NIBAN1: variants seen among roughly 807,000 people sequenced by gnomAD.
The protein encoded by NIBAN1 is niban apoptosis regulator 1.
Under a neutral mutation model 75.1 loss-of-function variants are expected in NIBAN1, and 81 were observed. The observed-to-expected ratio is 1.08, with a 90% CI of 0.90 to 1.30. NIBAN1 has a LOEUF of 1.30. NIBAN1 is among the 50% of genes most tolerant of loss of function. NIBAN1 has a pLI of 0.00. For missense variants in NIBAN1, 1,133 were observed against 1,128.1 expected (o/e 1.00, Z -0.06); for synonymous variants, 436 against 424.8 (o/e 1.03, Z -0.32).
chr1:184,825,144 C>T (rs1654809718), intron 6 of NIBAN1, among the ~76,000 whole-genome samples: 1 of 152,096 alleles, frequency 6.6e-6, no homozygotes, highest in South Asian at 2.1e-4. Flanking sequence ...TGTGGATCTC[C>T]AGACTGATGA....
intron 1 of NIBAN1, among the ~76,000 whole-genome samples, chr1:184,907,074 G>A (rs1175601053): frequency 6.6e-6 from 1 of 152,146 alleles, no homozygotes; most frequent in East Asian, 1.9e-4. Context: ...GCACAAAAAT[G>A]TACTGATTAA....
chr1:184,886,472 TG>T (rs1365734854), intron 4 of NIBAN1, among the ~76,000 whole-genome samples: 1 of 152,320 alleles, frequency 6.6e-6, no homozygotes, highest in South Asian at 2.1e-4. Context: ...AAATGTGCTT[TG>T]TTGGCCTAGG....
At chr1:184,815,068 A>G (rs188349586) in intron 9 of NIBAN1, among the ~76,000 whole-genome samples, 12 of 152,312 alleles carry the variant, frequency 7.9e-5, no homozygotes, top group Admixed American at 5.2e-4. Flanking sequence ...ATTCCTGGGG[A>G]AAAAATTAAA....
intron 1 of NIBAN1, among the ~76,000 whole-genome samples, chr1:184,933,304 A>T (rs892295897): frequency 2.0e-5 from 3 of 152,220 alleles, no homozygotes; most frequent in Admixed American, 2.0e-4. Flanking sequence ...TCTATTTATA[A>T]AATACTAAGG....
rs185161833 is a variant in NIBAN1 at position 184,905,352 on chromosome 1, G to A, written c.56-6043C>T. Among the ~76,000 whole-genome samples, 21 of 152,204 alleles carry A rather than the reference G, an allele frequency of 1.4e-4. No homozygotes were observed. The East Asian group carries it at 3.1e-3, about 22-fold the overall frequency. ...GGGTCACACCTCATTAGTCATAGGGGCACAACCTTCTGACTTGTCCTGGAC... is the reference window on the plus strand; with the variant it reads ...GGGTCACACCTCATTAGTCATAGGGACACAACCTTCTGACTTGTCCTGGAC... On this transcript the variant is annotated intron_variant, in intron 1 of 13. Coordinates refer to ENST00000367511, the MANE Select transcript of NIBAN1 (RefSeq NM_052966.4).
chr1:184,815,793 G>T (rs1056995527), intron 9 of NIBAN1, among the ~76,000 whole-genome samples: 1 of 152,166 alleles, frequency 6.6e-6, no homozygotes, highest in South Asian at 2.1e-4. Flanking sequence ...CCGCATCATG[G>T]ATTAAAGAGA....
At chr1:184,868,382 C>G (rs1456138508) in intron 5 of NIBAN1, 1 of 152,070 alleles carries the variant, frequency 6.6e-6, no homozygotes, top group Non-Finnish European at 1.5e-5. Flanking sequence ...ACTTAAAACA[C>G]AAAGAACTGG....
chr1:184,833,506 A>T (rs1655052560), intron 5 of NIBAN1, among the ~76,000 whole-genome samples: 1 of 152,004 alleles, frequency 6.6e-6, no homozygotes, highest in South Asian at 2.1e-4. Context: ...ATAGGAGTTC[A>T]AGACGAGCCT....
intron 3 of NIBAN1, among the ~76,000 whole-genome samples, chr1:184,892,062 C>T (rs1182948715): frequency 1.3e-5 from 2 of 152,178 alleles, no homozygotes; most frequent in Non-Finnish European, 2.9e-5. Context: ...AAAACACCAA[C>T]ATTTGATTCA....
chr1:184,820,065 A>C (rs1305280177), intron 8 of NIBAN1, among the ~76,000 whole-genome samples: 1 of 152,234 alleles, frequency 6.6e-6, no homozygotes, highest in Non-Finnish European at 1.5e-5. Context: ...AAGTCATAGA[A>C]TTATTAAGAA....
intron 1 of NIBAN1, among the ~76,000 whole-genome samples, chr1:184,942,468 C>A (rs556257151): frequency 2.0e-5 from 3 of 152,198 alleles, no homozygotes; most frequent in South Asian, 4.2e-4. Context: ...CCGAAGCTGG[C>A]GGATCACGAG....
chr1:184,973,515 G>A (rs1411559050), intron 1 of NIBAN1, among the ~76,000 whole-genome samples: 1 of 149,644 alleles, frequency 6.7e-6, no homozygotes. Flanking sequence ...GGGGTGGGGG[G>A]TGAGAAGAGG....
At chr1:184,973,388 A>G (rs1377023926) in intron 1 of NIBAN1, among the ~76,000 whole-genome samples, 1 of 152,142 alleles carries the variant, frequency 6.6e-6, no homozygotes, top group Non-Finnish European at 1.5e-5. Flanking sequence ...CTAGAGTTTA[A>G]TACATAGTCT....
chr1:184,919,527 A>G (rs1657474918), intron 1 of NIBAN1, among the ~76,000 whole-genome samples: 1 of 152,232 alleles, frequency 6.6e-6, no homozygotes, highest in African/African-American at 2.4e-5. Flanking sequence ...AACGGTCTTA[A>G]TATCAGAAGT....
intron 1 of NIBAN1, among the ~76,000 whole-genome samples, chr1:184,953,208 T>C (rs576392838): frequency 2.6e-5 from 4 of 152,212 alleles, no homozygotes; most frequent in South Asian, 2.1e-4. Flanking sequence ...CACTTTGTAG[T>C]GGAAGAAACC....
At chr1:184,948,128 A>T (rs114781331) in intron 1 of NIBAN1, among the ~76,000 whole-genome samples, 2,216 of 152,330 alleles carry the variant, frequency 0.015, 47 homozygotes, top group African/African-American at 0.048. Context: ...GAAATAAAAA[A>T]AAAATCCTTA....
At chr1:184,965,500 A>T (rs555431188) in intron 1 of NIBAN1, among the ~76,000 whole-genome samples, 1 of 152,212 alleles carries the variant, frequency 6.6e-6, no homozygotes, top group African/African-American at 2.4e-5. Context: ...AGGAACATGG[A>T]TGGAGCTGGA....
intron 1 of NIBAN1, among the ~76,000 whole-genome samples, chr1:184,949,345 G>A (rs192523850): frequency 1.2e-4 from 18 of 152,300 alleles, no homozygotes; most frequent in Admixed American, 7.8e-4. Context: ...GCGACAGAGC[G>A]AGACTCCGTC....
chr1:184,829,785 G>A (rs1654947801), intron 6 of NIBAN1, among the ~76,000 whole-genome samples: 1 of 151,956 alleles, frequency 6.6e-6, no homozygotes, highest in Non-Finnish European at 1.5e-5. Flanking sequence ...ATTTTCAATG[G>A]CATCATGGAG....
Sources: gnomAD v4.1 joint callset for allele counts (sites outside exome capture counted in the v4.1 genomes callset) on GRCh38, gnomAD v4.1.1 for gene constraint, MANE v1.5 for transcripts, NCBI Gene and HGNC (gene_info 2026-07-23, HGNC 2026-07-21) for gene names.